ZNF317: variants seen among roughly 807,000 people sequenced by gnomAD.
ZNF317 encodes zinc finger protein 317.
ZNF317 carries 17 observed loss-of-function variants against 23.4 expected under a neutral mutation model. The ratio of observed to expected loss-of-function variants is 0.73; its 90% CI spans 0.50 to 1.09. The LOEUF is 1.09. ZNF317 is among the 50% of genes least tolerant of loss of function. ZNF317 has a pLI of 0.00. For synonymous variants in ZNF317, 317 were observed against 314.9 expected, an observed-to-expected ratio of 1.01 and a Z score of -0.07; for missense variants, 679 against 796.7, an observed-to-expected ratio of 0.85 and a Z score of 1.78.
intron 1 of ZNF317, among the ~76,000 whole-genome samples, chr19:9,142,505 G>C (rs1464164938): frequency 1.4e-5 from 2 of 147,386 alleles, no homozygotes; most frequent in Non-Finnish European, 3.0e-5. Flanking sequence ...TTTCCTACTT[G>C]AGTTTTTCTT....
At chr19:9,153,387 T>C (rs2050753850) in intron 1 of ZNF317, among the ~76,000 whole-genome samples, 2 of 152,214 alleles carry the variant, frequency 1.3e-5, no homozygotes, top group South Asian at 4.1e-4. Flanking sequence ...GGTCTCGAAC[T>C]CTCGACCTCA....
chr19:9,154,990 T>G (rs778021534), intron 1 of ZNF317, among the ~76,000 whole-genome samples: 8 of 152,212 alleles, frequency 5.3e-5, no homozygotes, highest in Non-Finnish European at 8.8e-5. Flanking sequence ...AAATGTCTGT[T>G]TATTAATTAA....
chr19:9,162,829 C>T lies in ZNF317; in HGVS notation c.*1396C>T, dbSNP rs1317843879. ...AGATCTATGTGACATGAGGATATTT[C>T]TCAGTACCACTTTGTTACTGGTACC... is the stretch of plus-strand genomic sequence containing the variant. On this transcript the variant is annotated 3_prime_UTR_variant, in exon 7 of 7. Transcript: ENST00000247956. The T allele has an allele frequency of 1.3e-5, 2 of 152,156 alleles. No individual in the cohort carries two copies. Among genetic ancestry groups the T allele is most frequent in the African/African-American group, 4.8e-5 (2 of 41,438 alleles). The allele number at this position is 152,156 out of a possible 1,614,324, so 9.4% of individuals were successfully genotyped here. A position where few individuals can be genotyped will look rare whatever the true frequency, so the allele number is the denominator to read the frequency against.
rs1016946038 is a variant in ZNF317, at chr19:9,163,224, C to T, written c.*1791C>T. 6.6e-6 allele frequency: 1 copy of T among 152,094 alleles called. No individual in the cohort carries two copies. The highest frequency in any genetic ancestry group is 1.5e-5 in the Non-Finnish European group (1 of 68,020). 9.4% of individuals were successfully genotyped at this position (152,094 alleles called of 1,614,324 possible). A position where few individuals can be genotyped will look rare whatever the true frequency, so the allele number is the denominator to read the frequency against. On this transcript the variant is annotated 3_prime_UTR_variant, in exon 7 of 7. Coordinates refer to ENST00000247956, the MANE Select transcript of ZNF317 (RefSeq NM_020933.5). ...TTTACTTTTCACCTTGCAAAGAGAT[C>T]CAGTACCTAGTATTGGAAGATCCAC...
At position 9,161,464 on chromosome 19, in the gene ZNF317, CA is replaced by C. The variant is rs747814166; in HGVS notation, c.*32del. ...CCTGCTTTAGAGACACAGGATGATT[CA>C]GACCGGAAACAGACCTCGTGGGTGT... On this transcript the variant is annotated 3_prime_UTR_variant, in exon 7 of 7. Transcript: ENST00000247956. This position sits in a 1 kb window ranked among gnomAD's most constrained non-coding sequence, Gnocchi z 4.0. 10 of 1,581,876 alleles carry C rather than the reference CA, an allele frequency of 6.3e-6. No individual in the cohort carries two copies. The highest frequency in any genetic ancestry group is 3.5e-5 in the Admixed American group (2 of 57,862).
chr19:9,143,190 A>G (rs991947421), intron 1 of ZNF317, among the ~76,000 whole-genome samples: 3 of 152,170 alleles, frequency 2.0e-5, no homozygotes, highest in African/African-American at 7.2e-5. Context: ...AACATACTCA[A>G]ATTTTTAATG....
At chr19:9,156,875 G>C in intron 3 of ZNF317, 127 bp downstream of exon 3, 15 of 1,188,444 alleles carry the variant, frequency 1.3e-5, no homozygotes, top group South Asian at 1.5e-5. Context: ...CCAAGAGAGA[G>C]CCAAGGAATA....
At position 9,160,674 on chromosome 19, in the gene ZNF317, C is replaced by T. The variant is rs1190884250; in HGVS notation, c.1029C>T (p.Phe343=). The change falls in exon 7 of 7, where the codon TTC becomes TTT. Residue 343 remains phenylalanine, a synonymous_variant. Transcript: ENST00000247956. The surrounding 1 kb of genome is among the most constrained non-coding windows in gnomAD (Gnocchi z 6.8). Reference sequence around the variant, plus strand: ...AGTGTCACGACTGTGGGAAAGCTTTCCAGCACCCCTCCCACCTCAAAGAGC... The same window carrying T: ...AGTGTCACGACTGTGGGAAAGCTTTTCAGCACCCCTCCCACCTCAAAGAGC... ...PYECHDCGKA[F]QHPSHLKEHV... is the part of the protein sequence containing the mutation. 1 of 1,614,158 alleles carries T rather than the reference C, an allele frequency of 6.2e-7. No homozygotes were observed. Among genetic ancestry groups the T allele is most frequent in the Admixed American group, 1.7e-5 (1 of 60,026 alleles).
intron 3 of ZNF317, 115 bp downstream of exon 3, chr19:9,156,863 G>A: frequency 7.7e-7 from 1 of 1,303,422 alleles, no homozygotes; most frequent in South Asian, 1.4e-5. Context: ...CCAGAACAGG[G>A]CCCAAGAGAG....
At chr19:9,157,884 C>T (rs1236917492) in intron 4 of ZNF317, 96 bp from the exon 5 acceptor site, 3 of 1,440,838 alleles carry the variant, frequency 2.1e-6, no homozygotes, top group African/African-American at 1.4e-5. Context: ...TGTCCACCCT[C>T]AGAACACTGA....
chr19:9,156,228 G>C (rs2050781187), intron 2 of ZNF317, among the ~76,000 whole-genome samples, 187 bp downstream of exon 2: 1 of 152,118 alleles, frequency 6.6e-6, no homozygotes, highest in Admixed American at 6.5e-5. Context: ...GGTGGGTCTG[G>C]GAGCAGGCCA....
intron 1 of ZNF317, among the ~76,000 whole-genome samples, chr19:9,143,411 T>A (rs2050652034): frequency 6.6e-6 from 1 of 152,154 alleles, no homozygotes; most frequent in Admixed American, 6.5e-5. Flanking sequence ...TCCAGTTTCT[T>A]ATGTTGAATG....
At chr19:9,158,363 C>CTTTCTTTTTTTTTT (rs2050809135) in intron 5 of ZNF317, among the ~76,000 whole-genome samples, 1 of 76,496 alleles carries the variant, frequency 1.3e-5, no homozygotes, top group Non-Finnish European at 2.3e-5. Flanking sequence ...TTTCTTTTTT[C>CTTTCTTTTTTTTTT]TTTTTTTTTT....
rs765614441 is a variant in ZNF317 at position 9,161,051 on chromosome 19, C to T, written c.1406C>T (p.Thr469Met). ...CTCACCGCACACAGGAAGATACACA[C>T]GCAAGAGAGACGCTACGAATGCGCC... is the stretch of plus-strand genomic sequence containing the variant. ...SNLTAHRKIH[T>M]QERRYECAAC... Residue 469 changes from threonine (T) to methionine (M), a missense_variant, in exon 7 of 7, where the codon ACG (threonine) becomes ATG (methionine). Transcript: ENST00000247956. The surrounding 1 kb of genome is among the most constrained non-coding windows in gnomAD (Gnocchi z 4.0). The T allele has an allele frequency of 1.2e-6, 2 of 1,614,094 alleles. No individual in the cohort carries two copies. Among genetic ancestry groups the T allele is most frequent in the Non-Finnish European group, 8.5e-7 (1 of 1,180,024 alleles).
chr19:9,142,609 A>G (rs2050643951), intron 1 of ZNF317, among the ~76,000 whole-genome samples: 1 of 150,860 alleles, frequency 6.6e-6, no homozygotes, highest in Admixed American at 6.6e-5. Flanking sequence ...TTTGATACAA[A>G]ATCTATATTG....
chr19:9,157,683 T>C, intron 4 of ZNF317: 3 of 80,400 alleles, frequency 3.7e-5, no homozygotes, highest in Non-Finnish European at 5.3e-5. Flanking sequence ...TCCTATTTCT[T>C]TTTTTTTTTT....
At chr19:9,153,487 C>T (rs189871593) in intron 1 of ZNF317, among the ~76,000 whole-genome samples, 15 of 152,232 alleles carry the variant, frequency 9.9e-5, no homozygotes, top group Admixed American at 9.8e-4. Context: ...TATGAGATGT[C>T]TTACTGGTGG....
intron 1 of ZNF317, among the ~76,000 whole-genome samples, chr19:9,141,408 A>G (rs570847384): frequency 9.1e-4 from 138 of 152,306 alleles, no homozygotes; most frequent in African/African-American, 3.3e-3. Flanking sequence ...TCTCCCACCA[A>G]TACTGTCTCC....
rs1200800566 is a variant in ZNF317, at chr19:9,140,501, C to A, written c.-184C>A. 1 of 456,576 alleles carries A rather than the reference C, an allele frequency of 2.2e-6. No individual in the cohort carries two copies. The allele number at this position is 456,576 out of a possible 1,614,324, so 28.3% of individuals were successfully genotyped here. ...TCGGCCTGTTGGGGACCCCTCGTGT[C>A]CCCACGCCAGACTGGACCTCCCGTA... is the stretch of plus-strand genomic sequence containing the variant. On this transcript the variant is annotated 5_prime_UTR_variant, in exon 1 of 7. Transcript: ENST00000247956.
Sources: allele counts gnomAD v4.1 joint callset (sites outside exome capture counted in the v4.1 genomes callset), GRCh38; gene constraint gnomAD v4.1.1; non-coding constraint Gnocchi (gnomAD v3.1); transcripts MANE v1.5; gene names NCBI Gene and HGNC (gene_info 2026-07-23, HGNC 2026-07-21).